ROBO1: variants seen among roughly 807,000 people sequenced by gnomAD.
ROBO1 encodes roundabout homolog 1.
ROBO1 carries 149 observed loss-of-function variants against 195.9 expected under a neutral mutation model. That is an observed-to-expected ratio of 0.76 (90% confidence interval 0.67 to 0.87). ROBO1 has a LOEUF of 0.87. ROBO1 is among the 40% of genes least tolerant of loss of function. ROBO1 has a pLI of 0.00. For missense variants in ROBO1, 1,933 were observed against 2,068.3 expected, an observed-to-expected ratio of 0.93 and a Z score of 1.27; for synonymous variants, 816 against 733.2, an observed-to-expected ratio of 1.11 and a Z score of -1.82.
chr3:78,758,953 T>G (rs755245249), intron 4 of ROBO1: 1 of 152,218 alleles, frequency 6.6e-6, no homozygotes. Flanking sequence ...GGCTGAAGTG[T>G]TTCCACCACC....
intron 2 of ROBO1, among the ~76,000 whole-genome samples, chr3:79,280,884 C>T (rs1376268962): frequency 1.3e-5 from 2 of 152,134 alleles, no homozygotes; most frequent in African/African-American, 4.8e-5. Flanking sequence ...GGAGGCGGAG[C>T]TCAGTTGGTA....
chr3:79,573,905 T>A (rs188157054), intron 2 of ROBO1, among the ~76,000 whole-genome samples: 1 of 152,114 alleles, frequency 6.6e-6, no homozygotes, highest in African/African-American at 2.4e-5. Context: ...AAAAACAATA[T>A]GCTATGGAAT....
chr3:79,191,188 T>C (rs1164567894), intron 2 of ROBO1, among the ~76,000 whole-genome samples: 2 of 151,576 alleles, frequency 1.3e-5, no homozygotes, highest in Non-Finnish European at 3.0e-5. Flanking sequence ...TCCTGAAAAA[T>C]TGTTTGCCTT....
rs555870051 is a variant in ROBO1, at chr3:78,793,237, G to A, written c.500-46337C>T. On this transcript the variant is annotated intron_variant, in intron 4 of 30. Coordinates refer to ENST00000464233, the MANE Select transcript of ROBO1 (RefSeq NM_002941.4). ...ATTAGAACTAATAATTCATGGAGTT[G>A]TAATACAAATACGAGTTCATTAAAT... Among the ~76,000 whole-genome samples the A allele has an allele frequency of 3.9e-5, 6 of 151,932 alleles. No homozygotes were observed. In the East Asian group the frequency reaches 9.7e-4, roughly 25 times the overall value.
chr3:79,071,719 CACAT>C (rs2079092812), intron 3 of ROBO1, among the ~76,000 whole-genome samples: 1 of 26,092 alleles, frequency 3.8e-5, no homozygotes, highest in Admixed American at 7.0e-4. Context: ...CACACACATG[CACAT>C]GCACACACAC....
intron 2 of ROBO1, among the ~76,000 whole-genome samples, chr3:79,556,636 T>C (rs1048081344): frequency 6.6e-6 from 1 of 152,002 alleles, no homozygotes; most frequent in Non-Finnish European, 1.5e-5. Context: ...ATATGTATTA[T>C]ATTGTATATA....
Position 78,659,773 on chromosome 3 carries a change from G to A in ROBO1, c.2355C>T (p.Ser785=), listed in dbSNP as rs1294126677. 6.2e-6 allele frequency: 10 copies of A among 1,603,456 alleles called. No individual in the cohort carries two copies. Among genetic ancestry groups the A allele is most frequent in the Non-Finnish European group, 6.8e-6 (8 of 1,174,434 alleles). Residue 785 remains serine (S), a synonymous_variant, in exon 17 of 31, where the codon TCC becomes TCT. Transcript: ENST00000464233. ...PSAPPQGVTV[S]KNDGNGTAIL... is the part of the protein sequence containing the mutation. The stretch of plus-strand genomic sequence containing the variant: ...TTGCAGTTCCGTTTCCATCATTCTT[G>A]GATACAGTTACACCTTGGGGTGGGG...
chr3:78,698,171 T>C (rs532152353), intron 8 of ROBO1, among the ~76,000 whole-genome samples: 55 of 152,272 alleles, frequency 3.6e-4, no homozygotes, highest in South Asian at 1.7e-3. Flanking sequence ...ATAAAAACTT[T>C]TGGAAGAAAC....
chr3:78,965,365 T>G lies in ROBO1; in HGVS notation c.173-26438A>C, dbSNP rs543566349. Among the ~76,000 whole-genome samples, 23 of 152,264 alleles carry G rather than the reference T, an allele frequency of 1.5e-4. No individual in the cohort carries two copies. In the South Asian group the frequency reaches 4.8e-3, roughly 32 times the overall value. On this transcript the variant is annotated intron_variant, in intron 3 of 30. Coordinates refer to ENST00000464233, the MANE Select transcript of ROBO1 (RefSeq NM_002941.4). ...ACAGCATCCAATGGAATGCAGCAGT[T>G]TTAGGACAAATTCTGGAGGTTGCTT...
At chr3:78,636,258 A>T (rs900642081) in intron 22 of ROBO1, 150 bp from the exon 23 acceptor site, 24 of 550,618 alleles carry the variant, frequency 4.4e-5, no homozygotes, top group Non-Finnish European at 6.0e-5. Flanking sequence ...CCAAATATCC[A>T]CATGTGCTTT....
intron 2 of ROBO1, among the ~76,000 whole-genome samples, chr3:79,317,068 A>G (rs991088534): frequency 3.3e-5 from 5 of 152,152 alleles, no homozygotes; most frequent in African/African-American, 1.2e-4. Flanking sequence ...TCTACAATTG[A>G]ATTAGAAATA....
At chr3:79,368,686 C>T (rs148917391) in intron 2 of ROBO1, among the ~76,000 whole-genome samples, 1 of 152,254 alleles carries the variant, frequency 6.6e-6, no homozygotes, top group Non-Finnish European at 1.5e-5. Context: ...TTGTCTCACC[C>T]TGCTGCTGCT....
At chr3:79,348,651 C>T (rs578251065) in intron 2 of ROBO1, among the ~76,000 whole-genome samples, 1 of 152,252 alleles carries the variant, frequency 6.6e-6, no homozygotes, top group Non-Finnish European at 1.5e-5. Flanking sequence ...ATTTTCCCTC[C>T]CAATGACAAC....
chr3:79,248,282 G>T (rs2082659907), intron 2 of ROBO1, among the ~76,000 whole-genome samples: 1 of 148,956 alleles, frequency 6.7e-6, no homozygotes, highest in East Asian at 2.0e-4. Flanking sequence ...GATGCTCATT[G>T]TGTGCCAGAC....
In ROBO1 at chr3:79,496,387, C is replaced by CATTTTTTTTTTTTTTT. The variant is rs145186389; in HGVS notation, c.88+93436_88+93437insAAAAAAAAAAAAAAAT. On this transcript the variant is annotated intron_variant, in intron 2 of 30. Coordinates refer to ENST00000464233, the MANE Select transcript of ROBO1 (RefSeq NM_002941.4). ...TTTTGGTATAATGCTGCGCACCCAT[C>CATTTTTTTTTTTTTTT]TTTTTTTGAGACGGAGTCTCGCTCT... is the stretch of plus-strand genomic sequence containing the variant. 2.3e-3 allele frequency among the ~76,000 whole-genome samples: 262 copies of CATTTTTTTTTTTTTTT among 112,544 alleles called. 39 individuals carry two copies. Among genetic ancestry groups the CATTTTTTTTTTTTTTT allele is most frequent in the Middle Eastern group, 4.3e-3 (1 of 232 alleles). The allele number at this position is 112,544 out of a possible 152,430, so 73.8% of individuals were successfully genotyped here.
chr3:79,515,638 C>A (rs535031109), intron 2 of ROBO1, among the ~76,000 whole-genome samples: 6 of 152,106 alleles, frequency 3.9e-5, no homozygotes, highest in Non-Finnish European at 5.9e-5. Flanking sequence ...AAATAATATT[C>A]TCAGTGTTGT....
At chr3:78,989,013 T>C (rs375820420) in intron 3 of ROBO1, among the ~76,000 whole-genome samples, 1 of 151,738 alleles carries the variant, frequency 6.6e-6, no homozygotes, top group African/African-American at 2.4e-5. Flanking sequence ...GTAGGGAGAA[T>C]AGAGGGAAGG....
intron 18 of ROBO1, among the ~76,000 whole-genome samples, chr3:78,655,949 T>C (rs549916689): frequency 6.6e-6 from 1 of 152,220 alleles, no homozygotes; most frequent in Non-Finnish European, 1.5e-5. Context: ...ATAATTTACA[T>C]GTAGCTTCTT....
intron 1 of ROBO1, among the ~76,000 whole-genome samples, chr3:79,659,344 TTAA>T (rs939755277): frequency 3.1e-4 from 47 of 152,194 alleles, no homozygotes; most frequent in Middle Eastern, 3.4e-3. Flanking sequence ...AGAGAAAATT[TTAA>T]TAATAAAATG....
Sources: gnomAD v4.1 joint callset for allele counts (sites outside exome capture counted in the v4.1 genomes callset) on GRCh38, gnomAD v4.1.1 for gene constraint, MANE v1.5 for transcripts, NCBI Gene and HGNC (gene_info 2026-07-23, HGNC 2026-07-21) for gene names.